Variants in LIN52 observed in about 807,000 individuals in gnomAD.
LIN52 encodes the protein protein lin-52 homolog.
LIN52 carries 4 observed loss-of-function variants against 18.5 expected under a neutral mutation model. That is an observed-to-expected ratio of 0.22 (90% confidence interval 0.11 to 0.49). The LOEUF is 0.49. Ranked by LOEUF, LIN52 falls within the 20% of genes least tolerant of loss-of-function variation. The pLI is 0.97. For missense variants in LIN52, 102 were observed against 139.5 expected, an observed-to-expected ratio of 0.73 and a Z score of 1.35; for synonymous variants, 34 against 45.5, an observed-to-expected ratio of 0.75 and a Z score of 1.02.
intron 5 of LIN52, among the ~76,000 whole-genome samples, chr14:74,162,390 C>T (rs1021250454): frequency 2.4e-4 from 35 of 148,594 alleles, no homozygotes; most frequent in Admixed American, 1.4e-3. Flanking sequence ...GCAGGAGAAT[C>T]GCTTGAAACC....
At chr14:74,091,942 G>A (rs763477242) in intron 2 of LIN52, among the ~76,000 whole-genome samples, 4 of 152,074 alleles carry the variant, frequency 2.6e-5, no homozygotes, top group Non-Finnish European at 5.9e-5. Context: ...TCAGAACACA[G>A]TGTGACTCAG....
At chr14:74,135,903 T>C (rs1447115821) in intron 5 of LIN52, among the ~76,000 whole-genome samples, 3 of 152,168 alleles carry the variant, frequency 2.0e-5, no homozygotes, top group African/African-American at 7.2e-5. Flanking sequence ...TTTATGTTTG[T>C]AAAGTTTAGT....
At chr14:74,134,960 A>G (rs923006898) in intron 5 of LIN52, among the ~76,000 whole-genome samples, 10 of 152,212 alleles carry the variant, frequency 6.6e-5, no homozygotes, top group African/African-American at 2.4e-4. Context: ...TGGAAAAGCA[A>G]ACACATTGTT....
chr14:74,139,863 T>G (rs1158908094), intron 5 of LIN52, among the ~76,000 whole-genome samples: 2 of 152,230 alleles, frequency 1.3e-5, no homozygotes, highest in Admixed American at 6.5e-5. Context: ...GCTATTGGTG[T>G]TGTTGAATGG....
chr14:74,192,842 C>G (rs900161716), intron 5 of LIN52: 2 of 174,316 alleles, frequency 1.1e-5, no homozygotes, highest in East Asian at 1.6e-4. Context: ...GGAACCTGCT[C>G]TTTACTGCAG....
chr14:74,165,807 C>T (rs1374469579), intron 5 of LIN52, among the ~76,000 whole-genome samples: 1 of 151,726 alleles, frequency 6.6e-6, no homozygotes, highest in African/African-American at 2.4e-5. Context: ...CTGTGCTGGG[C>T]CTATTTTCTT....
intron 5 of LIN52, among the ~76,000 whole-genome samples, chr14:74,127,143 G>A (rs1243201871): frequency 6.6e-6 from 1 of 152,130 alleles, no homozygotes; most frequent in African/African-American, 2.4e-5. Context: ...ACTATGCTAG[G>A]CAGCAAGGAC....
intron 5 of LIN52, among the ~76,000 whole-genome samples, chr14:74,144,245 C>T (rs988964885): frequency 2.6e-5 from 4 of 152,056 alleles, no homozygotes; most frequent in Middle Eastern, 6.8e-3. Context: ...GCCTCAGCCT[C>T]CCAAGTAGCT....
chr14:74,087,820 G>A (rs1482039987), intron 1 of LIN52, among the ~76,000 whole-genome samples: 1 of 152,156 alleles, frequency 6.6e-6, no homozygotes, highest in Non-Finnish European at 1.5e-5. Flanking sequence ...CTTAATTTAT[G>A]AGAGTAAGAC....
At chr14:74,127,207 G>A (rs2061034112) in intron 5 of LIN52, among the ~76,000 whole-genome samples, 1 of 152,200 alleles carries the variant, frequency 6.6e-6, no homozygotes, top group Admixed American at 6.6e-5. Context: ...TAACATTCTA[G>A]TAGATAAGGC....
intron 5 of LIN52, among the ~76,000 whole-genome samples, chr14:74,168,575 G>A (rs2061258929): frequency 6.6e-6 from 1 of 152,156 alleles, no homozygotes; most frequent in Admixed American, 6.5e-5. Context: ...GGCTGAGGCA[G>A]GAGAATGGTG....
chr14:74,165,020 C>T (rs968947754), intron 5 of LIN52, among the ~76,000 whole-genome samples: 1 of 151,884 alleles, frequency 6.6e-6, no homozygotes, highest in Non-Finnish European at 1.5e-5. Flanking sequence ...CAGACATAGT[C>T]GATTCTGTGG....
At chr14:74,136,797 A>T (rs8019630) in intron 5 of LIN52, among the ~76,000 whole-genome samples, 34,130 of 152,050 alleles carry the variant, frequency 0.22, 4,158 homozygotes, top group South Asian at 0.46. Flanking sequence ...AAAGAGGACC[A>T]GCAGCTGCCC....
intron 5 of LIN52, among the ~76,000 whole-genome samples, chr14:74,142,221 G>T (rs1214633495): frequency 6.6e-6 from 1 of 152,144 alleles, no homozygotes; most frequent in Admixed American, 6.5e-5. Flanking sequence ...AAGCTCTTTA[G>T]TCCCATTCTC....
Position 74,088,029 on chromosome 14 carries a change from C to T in LIN52, c.19+3036C>T, listed in dbSNP as rs143597854. 2.7e-3 allele frequency among the ~76,000 whole-genome samples: 415 copies of T among 152,310 alleles called. 2 individuals are homozygous for T. Among genetic ancestry groups the T allele is most frequent in the Middle Eastern group, 0.01 (3 of 294 alleles). Reference sequence around the variant, plus strand: ...AAAGGCTCAAGCGATTCTCCCATCTCAGCCTCCTAAGTAGCTGGTACTATA... The same window carrying T: ...AAAGGCTCAAGCGATTCTCCCATCTTAGCCTCCTAAGTAGCTGGTACTATA... On this transcript the variant is annotated intron_variant, in intron 1 of 5. Transcript: ENST00000555028.
At chr14:74,147,675 G>T (rs569549071) in intron 5 of LIN52, among the ~76,000 whole-genome samples, 1 of 152,296 alleles carries the variant, frequency 6.6e-6, no homozygotes, top group Admixed American at 6.5e-5. Context: ...ACAAAGGAAG[G>T]AAAATCTGAC....
At chr14:74,112,979 C>G (rs1374336002) in intron 5 of LIN52, among the ~76,000 whole-genome samples, 1 of 152,070 alleles carries the variant, frequency 6.6e-6, no homozygotes, top group Non-Finnish European at 1.5e-5. Flanking sequence ...TAAGACCTGC[C>G]TAGGACCATT....
At chr14:74,131,545 C>T (rs1385233986) in intron 5 of LIN52, among the ~76,000 whole-genome samples, 2 of 152,036 alleles carry the variant, frequency 1.3e-5, no homozygotes, top group Non-Finnish European at 2.9e-5. Flanking sequence ...GTCTCGAACT[C>T]CTGACCTCAG....
At chr14:74,120,902 C>G (rs929932607) in intron 5 of LIN52, among the ~76,000 whole-genome samples, 1 of 151,734 alleles carries the variant, frequency 6.6e-6, no homozygotes, top group African/African-American at 2.4e-5. Context: ...CAGAGCGAGA[C>G]TCTGTCTCAA....
Sources: gnomAD v4.1 joint callset for allele counts (sites outside exome capture counted in the v4.1 genomes callset) on GRCh38, gnomAD v4.1.1 for gene constraint, MANE v1.5 for transcripts, NCBI Gene and HGNC (gene_info 2026-07-23, HGNC 2026-07-21) for gene names.